The following LRRC37A3 variants were observed in gnomAD, a reference collection of about 807,000 sequenced individuals.
LRRC37A3 encodes leucine rich repeat containing 37 member A3.
In LRRC37A3, 25 loss-of-function variants were observed where a neutral mutation model predicts 106.2. The observed-to-expected ratio is 0.24, with a 90% confidence interval of 0.17 to 0.33. LRRC37A3 has a LOEUF of 0.33. Ranked by LOEUF, LRRC37A3 falls within the 10% of genes least tolerant of loss-of-function variation. The pLI is 1.00. For missense variants in LRRC37A3, 712 were observed against 1,644.9 expected (o/e 0.43, Z 9.81); for synonymous variants, 305 against 635.8 (o/e 0.48, Z 7.83).
chr17:64,913,098 G>C (rs1974626313), intron 2 of LRRC37A3, among the ~76,000 whole-genome samples: 1 of 149,924 alleles, frequency 6.7e-6, no homozygotes, highest in South Asian at 2.1e-4. Context: ...GCATGATCTT[G>C]GCTTACTGCA....
intron 14 of LRRC37A3, among the ~76,000 whole-genome samples, chr17:64,855,479 G>T (rs959759709): frequency 6.7e-6 from 1 of 150,316 alleles, no homozygotes; most frequent in South Asian, 2.1e-4. Flanking sequence ...GGGACAGCAG[G>T]TGTGTCCTTG....
At chr17:64,915,249 A>G (rs1286297943) in intron 2 of LRRC37A3, among the ~76,000 whole-genome samples, 1 of 148,890 alleles carries the variant, frequency 6.7e-6, no homozygotes, top group Non-Finnish European at 1.5e-5. Context: ...ATAAATATGT[A>G]CACTCTACCT....
At chr17:64,915,283 T>C (rs2095690400) in intron 2 of LRRC37A3, among the ~76,000 whole-genome samples, 3 of 144,130 alleles carry the variant, frequency 2.1e-5, no homozygotes, top group African/African-American at 8.9e-5. Flanking sequence ...AAAAAAGGTG[T>C]GGAACAACGA....
At chr17:64,894,028 A>G (rs1974049691) in intron 4 of LRRC37A3, among the ~76,000 whole-genome samples, 2 of 144,456 alleles carry the variant, frequency 1.4e-5, no homozygotes, top group Non-Finnish European at 2.9e-5. Context: ...CTAGTTCTAC[A>G]TATAGAAAGC....
chr17:64,878,849 A>C (rs2143495803), intron 8 of LRRC37A3, among the ~76,000 whole-genome samples: 1 of 152,380 alleles, frequency 6.6e-6, no homozygotes, highest in Middle Eastern at 3.4e-3. Flanking sequence ...AATTAAAAAC[A>C]TGTCCACACA....
chr17:64,890,178 C>CA (rs755744908), intron 5 of LRRC37A3, among the ~76,000 whole-genome samples: 5 of 133,408 alleles, frequency 3.7e-5, no homozygotes, highest in East Asian at 4.0e-4. Flanking sequence ...TTCCCCCCAT[C>CA]AAAAAAATTG....
At chr17:64,864,187 T>G (rs1235920264) in intron 10 of LRRC37A3, among the ~76,000 whole-genome samples, 1 of 152,170 alleles carries the variant, frequency 6.6e-6, no homozygotes, top group African/African-American at 2.4e-5. Context: ...AAACTTAGTA[T>G]TACAGGCCAT....
At chr17:64,856,312 G>A (rs987427179) in intron 13 of LRRC37A3, among the ~76,000 whole-genome samples, 1 of 151,890 alleles carries the variant, frequency 6.6e-6, no homozygotes, top group Middle Eastern at 3.4e-3. Flanking sequence ...AACCTCCTGG[G>A]CTCCAGTGAT....
Position 64,860,880 on chromosome 17 carries a change from G to C in LRRC37A3, c.3266C>G (p.Pro1089Arg). Residue 1089 changes from proline to arginine, a missense_variant, in exon 12 of 15, where the codon CCG (proline) becomes CGG (arginine). Coordinates refer to ENST00000584306, the MANE Select transcript of LRRC37A3 (RefSeq NM_199340.5). ...GCCACTGCTGTCTGAGGGCTCCTCC[G>C]GCTCAATAATCAGCTCAGTGCTTGT... ...NYTSTELIIEPEEPSDSSGIN... is the reference protein window; with the variant it reads ...NYTSTELIIEREEPSDSSGIN... The C allele has an allele frequency of 6.2e-7, 1 of 1,614,152 alleles. No homozygotes were observed. The highest frequency in any genetic ancestry group is 8.5e-7 in the Non-Finnish European group (1 of 1,180,012).
chr17:64,873,259 C>T lies in LRRC37A3; in HGVS notation c.2907-4093G>A, dbSNP rs1343374176. On this transcript the variant is annotated intron_variant, in intron 8 of 14. Coordinates refer to ENST00000584306, the MANE Select transcript of LRRC37A3 (RefSeq NM_199340.5). ...AAGGAAACAAAGTATGGCCCAAACA[C>T]GTGGTTGGGGGAGAAATAAGCAGAA... Among the ~76,000 whole-genome samples the T allele has an allele frequency of 6.7e-5, 10 of 148,656 alleles. No homozygotes were observed. The South Asian group carries it at 1.7e-3, about 26-fold the overall frequency.
At chr17:64,874,385 G>A (rs1973429590) in intron 8 of LRRC37A3, among the ~76,000 whole-genome samples, 1 of 150,628 alleles carries the variant, frequency 6.6e-6, no homozygotes, top group Admixed American at 6.7e-5. Context: ...CGCCCCGTCT[G>A]AGAAGTGAGG....
intron 8 of LRRC37A3, among the ~76,000 whole-genome samples, chr17:64,874,805 A>G (rs1973452216): frequency 6.6e-6 from 1 of 152,144 alleles, no homozygotes; most frequent in Admixed American, 6.5e-5. Flanking sequence ...CCCCCAACCC[A>G]GTGCTCTCTG....
intron 8 of LRRC37A3, among the ~76,000 whole-genome samples, chr17:64,875,478 T>A (rs1304840370): frequency 2.0e-5 from 3 of 152,018 alleles, no homozygotes; most frequent in East Asian, 3.9e-4. Flanking sequence ...AGTACTAACG[T>A]GAATCTACAC....
Position 64,860,273 on chromosome 17 carries a change from A to G in LRRC37A3, c.3873T>C (p.Asn1291=). ...GTACGATGGGTTTAGATGTCTTCAT[A>G]TTTGTAACTCTAGCCTTTGCACTTT... ...ILESAKARVT[N]MKTSKPIVHS... The change falls in exon 12 of 15, where the codon AAT becomes AAC. Residue 1291 remains asparagine, a synonymous_variant. Coordinates refer to ENST00000584306, the MANE Select transcript of LRRC37A3 (RefSeq NM_199340.5). The G allele has an allele frequency of 6.2e-7, 1 of 1,613,936 alleles. No homozygotes were observed. Among genetic ancestry groups the G allele is most frequent in the South Asian group, 1.1e-5 (1 of 91,074 alleles).
intron 2 of LRRC37A3, among the ~76,000 whole-genome samples, chr17:64,913,336 G>GTT (rs1567788647): frequency 8.8e-5 from 11 of 125,450 alleles, no homozygotes; most frequent in South Asian, 7.0e-4. Flanking sequence ...GCCTATTTTG[G>GTT]GTTTTTTTTT....
Position 64,860,415 on chromosome 17 carries a change from G to A in LRRC37A3, c.3731C>T (p.Ala1244Val). 1 of 1,613,968 alleles carries A rather than the reference G, an allele frequency of 6.2e-7. No individual in the cohort carries two copies. The highest frequency in any genetic ancestry group is 2.2e-5 in the East Asian group (1 of 44,882). The change falls in exon 12 of 15, where the codon GCA becomes GTA. Residue 1244 changes from alanine to valine, a missense_variant. By Grantham distance (64) the Ala-to-Val change is moderately conservative. Transcript: ENST00000584306. ...KPSFTQEHKA[A>V]VSVLKPFSKG... ...GGAGAAGGGTTTCAGCACAGAGACT[G>A]CTGCCTTATGCTCTTGGGTGAACGA... is the stretch of plus-strand genomic sequence containing the variant.
intron 2 of LRRC37A3, among the ~76,000 whole-genome samples, chr17:64,903,743 C>A (rs1974380258): frequency 6.6e-6 from 1 of 152,240 alleles, no homozygotes; most frequent in Admixed American, 6.5e-5. Context: ...AGCCTGAGGG[C>A]CATGAGTACT....
chr17:64,915,634 G>C (rs565258199), intron 2 of LRRC37A3, among the ~76,000 whole-genome samples: 1 of 152,312 alleles, frequency 6.6e-6, no homozygotes, highest in South Asian at 2.1e-4. Context: ...ATGTGTAAAA[G>C]AAAAAATGTG....
chr17:64,863,895 C>G (rs528708188), intron 10 of LRRC37A3, among the ~76,000 whole-genome samples: 1 of 152,012 alleles, frequency 6.6e-6, no homozygotes, highest in African/African-American at 2.4e-5. Context: ...CCTCAACCCC[C>G]CTGGGCTCAA....
Sources: allele counts gnomAD v4.1 joint callset (sites outside exome capture counted in the v4.1 genomes callset), GRCh38; gene constraint gnomAD v4.1.1; transcripts MANE v1.5; gene names NCBI Gene and HGNC (gene_info 2026-07-23, HGNC 2026-07-21).